Variants in VSTM1 observed in about 807,000 individuals in gnomAD.
VSTM1 encodes V-set and transmembrane domain-containing protein 1.
A neutral mutation model predicts 33.1 loss-of-function variants in VSTM1; 27 were observed. The ratio of observed to expected loss-of-function variants is 0.82; its 90% CI spans 0.60 to 1.12. VSTM1 has a LOEUF of 1.12. Ranked by LOEUF, VSTM1 falls within the 50% of genes most tolerant of loss-of-function variation. The pLI, the probability that VSTM1 is intolerant of heterozygous loss-of-function variation, is 0.00. For synonymous variants in VSTM1, 115 were observed against 110.3 expected (o/e 1.04, Z -0.27); for missense variants, 304 against 288.9 (o/e 1.05, Z -0.38).
At chr19:54,057,195 C>T (rs1312165164) in intron 3 of VSTM1, among the ~76,000 whole-genome samples, 1 of 139,866 alleles carries the variant, frequency 7.1e-6, no homozygotes, top group African/African-American at 2.6e-5. Flanking sequence ...ATTCCTTCTT[C>T]CCCAGCCATG....
chr19:54,050,885 G>A (rs554791440), intron 4 of VSTM1, among the ~76,000 whole-genome samples: 9 of 152,034 alleles, frequency 5.9e-5, no homozygotes, highest in East Asian at 3.9e-4. Context: ...CCAGCTATTC[G>A]GGAGGCCGAG....
chr19:54,045,702 C>A (rs961283766), intron 4 of VSTM1, among the ~76,000 whole-genome samples: 3 of 152,110 alleles, frequency 2.0e-5, no homozygotes, highest in African/African-American at 7.2e-5. Context: ...ATCTATCTAT[C>A]TATCCACCTA....
chr19:54,058,843 A>G, intron 1 of VSTM1, 111 bp from the exon 2 acceptor site: 1 of 497,292 alleles, frequency 2.0e-6, no homozygotes, highest in Non-Finnish European at 3.4e-6. Flanking sequence ...ATATATATAT[A>G]ATGTATATAT....
chr19:54,056,416 T>C (rs2071104388), intron 3 of VSTM1, among the ~76,000 whole-genome samples: 1 of 137,616 alleles, frequency 7.3e-6, no homozygotes, highest in African/African-American at 2.7e-5. Flanking sequence ...AGATGGAGTT[T>C]CGCCATGTTA....
chr19:54,063,097 G>A (rs879945779), intron 1 of VSTM1, among the ~76,000 whole-genome samples: 16 of 152,268 alleles, frequency 1.1e-4, no homozygotes, highest in Admixed American at 2.6e-4. Flanking sequence ...CAGCACTTTG[G>A]GAGGCTGAGG....
intron 3 of VSTM1, among the ~76,000 whole-genome samples, chr19:54,056,728 TA>T (rs1343264419): frequency 2.8e-5 from 4 of 140,896 alleles, no homozygotes; most frequent in Non-Finnish European, 4.7e-5. Flanking sequence ...AATTTTCTAT[TA>T]ACTGACCATA....
intron 3 of VSTM1, among the ~76,000 whole-genome samples, chr19:54,056,496 C>T (rs1461994326): frequency 7.2e-6 from 1 of 139,786 alleles, no homozygotes; most frequent in Non-Finnish European, 1.6e-5. Flanking sequence ...GCTAGGATTA[C>T]AGGCATGAAC....
Position 54,063,781 on chromosome 19 carries a change from G to T in VSTM1, c.-4C>A, listed in dbSNP as rs768719358. 2 of 1,613,708 alleles carry T rather than the reference G, an allele frequency of 1.2e-6. No homozygotes were observed. The highest frequency in any genetic ancestry group is 1.7e-6 in the Non-Finnish European group (2 of 1,179,878). On this transcript the variant is annotated 5_prime_UTR_variant, in exon 1 of 9. Coordinates refer to ENST00000338372, the MANE Select transcript of VSTM1 (RefSeq NM_198481.4). ...GGGAGAGGAATTCTGCGGTCATAGC[G>T]TCCCTTCTGCCAGAACCAAGGCCCC...
At chr19:54,041,998 C>T (rs746539036) in intron 6 of VSTM1, 45 bp from the exon 7 acceptor site, 9 of 1,612,870 alleles carry the variant, frequency 5.6e-6, no homozygotes, top group Admixed American at 3.3e-5. Context: ...GTGAAGATTT[C>T]GGGGAGAGGG....
At chr19:54,061,199 G>A (rs901879569) in intron 1 of VSTM1, among the ~76,000 whole-genome samples, 7 of 151,634 alleles carry the variant, frequency 4.6e-5, no homozygotes, top group African/African-American at 1.7e-4. Context: ...TGTATTTTTA[G>A]TAGAGACGGG....
At chr19:54,041,388 G>A (rs1384389320) in intron 8 of VSTM1, among the ~76,000 whole-genome samples, 2 of 151,624 alleles carry the variant, frequency 1.3e-5, no homozygotes, top group South Asian at 2.1e-4. Flanking sequence ...TGCAACCTCC[G>A]CCTCCCGGGT....
chr19:54,058,196 T>C (rs1339203781), intron 3 of VSTM1, 110 bp downstream of exon 3: 22 of 1,189,738 alleles, frequency 1.8e-5, no homozygotes, highest in South Asian at 1.5e-5. Flanking sequence ...GCCGAGATCG[T>C]GCCACTGCAC....
rs529149124 is a variant in VSTM1 at position 54,054,509 on chromosome 19, T to C, written c.356-3061A>G. 9.1e-5 allele frequency among the ~76,000 whole-genome samples: 13 copies of C among 142,908 alleles called. 3 individuals are homozygous for C. Among genetic ancestry groups the C allele is most frequent in the African/African-American group, 2.8e-4 (11 of 38,868 alleles). 93.8% of individuals were successfully genotyped at this position (142,908 alleles called of 152,430 possible). ...TCATTGGTGTGGACCCACGGCTACT[T>C]CTACACTACACTGATGACTGTAAAG... On this transcript the variant is annotated intron_variant, in intron 3 of 8. Coordinates refer to ENST00000338372, the MANE Select transcript of VSTM1 (RefSeq NM_198481.4).
Position 54,042,308 on chromosome 19 carries a change from TGA to T in VSTM1, c.454_455del (p.Val153LeufsTer14). The T allele has an allele frequency of 6.2e-7, 1 of 1,613,626 alleles. No homozygotes were observed. Among genetic ancestry groups the T allele is most frequent in the Non-Finnish European group, 8.5e-7 (1 of 1,179,900 alleles). On this transcript the variant is annotated frameshift_variant, in exon 5 of 9. Coordinates refer to ENST00000338372, the MANE Select transcript of VSTM1 (RefSeq NM_198481.4). LOFTEE classifies it high-confidence loss of function. ...GGCTGCATCTGTAGATGATGAAGACTGAGAGGAAGAGGAGAAGGATGGAGATG... is the reference window on the plus strand; with the variant it reads ...GGCTGCATCTGTAGATGATGAAGACTGAGGAAGAGGAGAAGGATGGAGATG... The part of the protein sequence containing the change: ...SCISILLLFL[S>X]VFIIYRCSQH...
intron 1 of VSTM1, among the ~76,000 whole-genome samples, chr19:54,062,216 G>A (rs894674680): frequency 6.6e-5 from 10 of 151,932 alleles, no homozygotes; most frequent in Non-Finnish European, 1.0e-4. Flanking sequence ...TAAAACAGAC[G>A]CTCCTTCATA....
At chr19:54,046,082 ATC>A (rs2070571479) in intron 4 of VSTM1, among the ~76,000 whole-genome samples, 1 of 152,018 alleles carries the variant, frequency 6.6e-6, no homozygotes, top group Non-Finnish European at 1.5e-5. Flanking sequence ...CTTACCTATC[ATC>A]TGTCTATCTA....
chr19:54,041,389 C>T (rs948019880), intron 8 of VSTM1, among the ~76,000 whole-genome samples: 50 of 152,040 alleles, frequency 3.3e-4, no homozygotes, highest in African/African-American at 1.2e-3. Context: ...GCAACCTCCG[C>T]CTCCCGGGTT....
chr19:54,059,271 G>A (rs1424879589), intron 1 of VSTM1, among the ~76,000 whole-genome samples: 1 of 151,986 alleles, frequency 6.6e-6, no homozygotes, highest in African/African-American at 2.4e-5. Flanking sequence ...ATGTTGGCCA[G>A]GCTGGTCTTG....
intron 3 of VSTM1, among the ~76,000 whole-genome samples, chr19:54,055,111 A>C (rs192154273): frequency 7.2e-6 from 1 of 139,698 alleles, no homozygotes; most frequent in East Asian, 2.0e-4. Context: ...TCCCACGTGC[A>C]TCTTCTCACT....
Sources: allele counts gnomAD v4.1 joint callset (sites outside exome capture counted in the v4.1 genomes callset), GRCh38; gene constraint gnomAD v4.1.1; transcripts MANE v1.5; gene names NCBI Gene and HGNC (gene_info 2026-07-23, HGNC 2026-07-21).